OSBPL11: variants seen among roughly 807,000 people sequenced by gnomAD.
OSBPL11 encodes oxysterol binding protein like 11.
A neutral mutation model predicts 84.4 loss-of-function variants in OSBPL11; 33 were observed. The ratio of observed to expected loss-of-function variants is 0.39; its 90% confidence interval spans 0.30 to 0.52. The LOEUF is 0.52. Ranked by LOEUF, OSBPL11 falls within the 20% of genes least tolerant of loss-of-function variation. OSBPL11 has a pLI of 0.72. For synonymous variants in OSBPL11, 276 were observed against 310.2 expected (o/e 0.89, Z 1.16); for missense variants, 736 against 901.1 (o/e 0.82, Z 2.35).
At chr3:125,593,369 C>T (rs139661863) in intron 1 of OSBPL11, among the ~76,000 whole-genome samples, 12 of 152,218 alleles carry the variant, frequency 7.9e-5, no homozygotes, top group Admixed American at 3.9e-4. Flanking sequence ...CCTGTAATCC[C>T]GGCACTTTGG....
intron 5 of OSBPL11, 60 bp from the exon 6 acceptor site, chr3:125,567,655 C>T: frequency 7.2e-7 from 1 of 1,380,176 alleles, no homozygotes; most frequent in East Asian, 2.3e-5. Context: ...TGTATACATA[C>T]AGTTGCCATT....
intron 4 of OSBPL11, 36 bp from the exon 5 acceptor site, chr3:125,576,401 TCTTTA>T: frequency 3.3e-6 from 5 of 1,500,810 alleles, no homozygotes; most frequent in Non-Finnish European, 4.4e-6. Context: ...TTTGTTTTCT[TCTTTA>T]ATTTAGGATT....
chr3:125,539,307 A>ATATATATATG (rs1935689121), intron 10 of OSBPL11, among the ~76,000 whole-genome samples: 1 of 62,104 alleles, frequency 1.6e-5, no homozygotes, highest in Non-Finnish European at 2.8e-5. Context: ...AGCCATATAT[A>ATATATATATG]TATATATATA....
chr3:125,532,577 C>CAA (rs371653670), intron 11 of OSBPL11, among the ~76,000 whole-genome samples: 105 of 53,946 alleles, frequency 1.9e-3, no homozygotes, highest in African/African-American at 5.8e-3. Context: ...AAATCTCAAG[C>CAA]AAAAAAAAAA....
At chr3:125,534,146 C>T (rs11928504) in intron 11 of OSBPL11, among the ~76,000 whole-genome samples, 10,184 of 152,060 alleles carry the variant, frequency 0.067, 455 homozygotes, top group Non-Finnish European at 0.098. Flanking sequence ...TTTGGGAGGC[C>T]GACGTGAGTG....
chr3:125,585,685 CA>C (rs1276356249), intron 1 of OSBPL11, among the ~76,000 whole-genome samples: 1 of 152,092 alleles, frequency 6.6e-6, no homozygotes, highest in Non-Finnish European at 1.5e-5. Context: ...TACAAAGAAC[CA>C]ACTTGAAAAC....
chr3:125,530,542 T>A lies in OSBPL11; in HGVS notation c.2217A>T (p.Ile739=), dbSNP rs1650343682. Residue 739 remains isoleucine (I), a synonymous_variant, in exon 13 of 13, where the codon ATA becomes ATT. Coordinates refer to ENST00000296220, the MANE Select transcript of OSBPL11 (RefSeq NM_022776.5). ...GWVYHKPLWK[I]IPTTQPAE ...ACTCTGCTGGTTGTGTTGTTGGAAT[T>A]ATTTTCCAAAGTGGTTTATGATAAA... is the stretch of plus-strand genomic sequence containing the variant. 6.2e-7 allele frequency: 1 copy of A among 1,613,872 alleles called. No individual in the cohort carries two copies. The highest frequency in any genetic ancestry group is 1.3e-5 in the African/African-American group (1 of 74,904).
intron 10 of OSBPL11, 129 bp from the exon 11 acceptor site, chr3:125,538,762 A>T: frequency 1.5e-6 from 1 of 662,670 alleles, no homozygotes; most frequent in Non-Finnish European, 2.4e-6. Flanking sequence ...TCAATATGTC[A>T]GTGCCAAAGT....
intron 7 of OSBPL11, among the ~76,000 whole-genome samples, chr3:125,560,918 C>CA (rs1361993036): frequency 1.3e-5 from 2 of 152,136 alleles, no homozygotes; most frequent in Non-Finnish European, 1.5e-5. Context: ...AGGCTGGTCT[C>CA]AAGCTCCTGA....
intron 5 of OSBPL11, among the ~76,000 whole-genome samples, chr3:125,570,373 T>C (rs1176856975): frequency 6.8e-6 from 1 of 147,780 alleles, no homozygotes; most frequent in African/African-American, 2.5e-5. Flanking sequence ...AAAAATAAGC[T>C]GTGTGTGGTG....
chr3:125,552,861 T>C (rs570295669), intron 8 of OSBPL11, among the ~76,000 whole-genome samples, 182 bp from the exon 9 acceptor site: 2 of 152,364 alleles, frequency 1.3e-5, no homozygotes, highest in East Asian at 3.9e-4. Flanking sequence ...CTCATGCCTA[T>C]AATCACAGCA....
At chr3:125,537,796 C>T (rs1217262192) in intron 11 of OSBPL11, among the ~76,000 whole-genome samples, 1 of 152,138 alleles carries the variant, frequency 6.6e-6, no homozygotes, top group African/African-American at 2.4e-5. Flanking sequence ...TCCCAGTACT[C>T]TTTTCCAGAA....
At chr3:125,543,114 G>A (rs190367847) in intron 10 of OSBPL11, among the ~76,000 whole-genome samples, 78 of 150,034 alleles carry the variant, frequency 5.2e-4, no homozygotes, top group Non-Finnish European at 7.8e-4. Context: ...TCCCTCCTGG[G>A]GCTAGTAAGA....
intron 9 of OSBPL11, among the ~76,000 whole-genome samples, chr3:125,549,338 T>C (rs1348568514): frequency 6.6e-6 from 1 of 152,210 alleles, no homozygotes; most frequent in Non-Finnish European, 1.5e-5. Flanking sequence ...TCCTGACTTT[T>C]ACTTACTTTC....
rs752027091 is a variant in OSBPL11, at chr3:125,552,599, A to G, written c.1236T>C (p.Phe412=). The G allele has an allele frequency of 2.5e-6, 4 of 1,614,194 alleles. No homozygotes were observed. The change falls in exon 9 of 13, where the codon TTT becomes TTC. Residue 412 remains phenylalanine, a synonymous_variant. Transcript: ENST00000296220. ...YADFMSHPDL[F]IAITNGATAE... ...CTGTGGCTCCATTAGTGATGGCTAT[A>G]AATAGGTCTGGATGAGACATAAAGT...
At chr3:125,582,291 T>C (rs1169649112) in intron 2 of OSBPL11, among the ~76,000 whole-genome samples, 1 of 150,940 alleles carries the variant, frequency 6.6e-6, no homozygotes. Flanking sequence ...GCCGAGATCA[T>C]GCCATTGCAC....
At chr3:125,552,131 AT>A in intron 9 of OSBPL11, 49 bp downstream of exon 9, 1 of 951,202 alleles carries the variant, frequency 1.1e-6, no homozygotes, top group Non-Finnish European at 1.4e-6. Context: ...ACATATATAT[AT>A]GTGTGTGTGT....
At chr3:125,576,505 T>C (rs748437402) in intron 4 of OSBPL11, 140 bp from the exon 5 acceptor site, 8 of 582,002 alleles carry the variant, frequency 1.4e-5, no homozygotes, top group Non-Finnish European at 2.1e-5. Context: ...TGAGAACATT[T>C]CCAAAGATAA....
intron 8 of OSBPL11, among the ~76,000 whole-genome samples, chr3:125,556,623 T>C (rs1935994813): frequency 6.6e-6 from 1 of 152,202 alleles, no homozygotes; most frequent in East Asian, 1.9e-4. Flanking sequence ...TCTCAATAAC[T>C]TATAAGAAGC....
Sources: gnomAD v4.1 joint callset for allele counts (sites outside exome capture counted in the v4.1 genomes callset) on GRCh38, gnomAD v4.1.1 for gene constraint, MANE v1.5 for transcripts, NCBI Gene and HGNC (gene_info 2026-07-23, HGNC 2026-07-21) for gene names.